Variants in TMCC1 observed in about 807,000 individuals in gnomAD.
TMCC1 encodes the protein transmembrane and coiled-coil domain family 1.
TMCC1 carries 15 observed loss-of-function variants against 52.4 expected under a neutral mutation model. That is an observed-to-expected ratio of 0.29 (90% CI 0.19 to 0.44). The LOEUF (loss-of-function observed/expected upper bound fraction) is 0.44, where lower values mean the gene tolerates loss of function less well. TMCC1 is among the 20% of genes least tolerant of loss of function. The pLI is 1.00. For synonymous variants in TMCC1, 279 were observed against 301.9 expected (o/e 0.92, Z 0.79); for missense variants, 503 against 806.0 (o/e 0.62, Z 4.55).
intron 4 of TMCC1, among the ~76,000 whole-genome samples, chr3:129,696,903 G>A (rs1342544569): frequency 6.6e-6 from 1 of 152,210 alleles, no homozygotes; most frequent in African/African-American, 2.4e-5. Context: ...AGCTCCCATG[G>A]CCTTGGGCAG....
chr3:129,845,169 C>G (rs955887532), intron 2 of TMCC1, among the ~76,000 whole-genome samples: 3 of 135,030 alleles, frequency 2.2e-5, no homozygotes, highest in African/African-American at 8.4e-5. Context: ...GCCTCGGCAA[C>G]AGAGCAAGTC....
intron 4 of TMCC1, among the ~76,000 whole-genome samples, chr3:129,757,935 T>C (rs2053165219): frequency 6.6e-6 from 1 of 152,058 alleles, no homozygotes; most frequent in African/African-American, 2.4e-5. Flanking sequence ...GAGTAAACTT[T>C]GATGTATGTG....
chr3:129,889,369 C>T (rs2061860449), intron 1 of TMCC1, among the ~76,000 whole-genome samples: 1 of 152,086 alleles, frequency 6.6e-6, no homozygotes, highest in Admixed American at 6.6e-5. Flanking sequence ...CCAAGAGGAG[C>T]TAAGGAGACA....
At chr3:129,811,188 T>C (rs1353499211) in intron 4 of TMCC1, among the ~76,000 whole-genome samples, 1 of 152,248 alleles carries the variant, frequency 6.6e-6, no homozygotes, top group Non-Finnish European at 1.5e-5. Context: ...TACTCCATTG[T>C]TAAGCTTACA....
chr3:129,797,417 CAA>C (rs201049533), intron 4 of TMCC1, among the ~76,000 whole-genome samples: 1 of 150,512 alleles, frequency 6.6e-6, no homozygotes, highest in East Asian at 2.0e-4. Flanking sequence ...GCCAAGTCTC[CAA>C]AAAAAAATTA....
intron 4 of TMCC1, among the ~76,000 whole-genome samples, chr3:129,673,324 G>A (rs1363562916): frequency 1.3e-5 from 2 of 152,100 alleles, no homozygotes; most frequent in Admixed American, 6.5e-5. Context: ...ATGTCTTCTA[G>A]GTTGCACAGG....
chr3:129,826,785 A>T (rs376577543), intron 4 of TMCC1, among the ~76,000 whole-genome samples: 69 of 151,400 alleles, frequency 4.6e-4, no homozygotes, highest in Middle Eastern at 3.4e-3. Flanking sequence ...AATATCCAAT[A>T]AAAAAAAACC....
chr3:129,843,975 C>T (rs1389707013), intron 2 of TMCC1, among the ~76,000 whole-genome samples: 2 of 149,672 alleles, frequency 1.3e-5, no homozygotes, highest in Non-Finnish European at 3.0e-5. Context: ...ATGCAAAAAC[C>T]TTTAACAAAA....
At chr3:129,676,204 T>TACTCTCCG (rs768565272) in intron 4 of TMCC1, among the ~76,000 whole-genome samples, 7 of 152,180 alleles carry the variant, frequency 4.6e-5, no homozygotes, top group Non-Finnish European at 8.8e-5. Context: ...GGGGCTTTTG[T>TACTCTCCG]ACTCTCCTGT....
intron 4 of TMCC1, among the ~76,000 whole-genome samples, chr3:129,748,841 A>G (rs1352941275): frequency 3.3e-5 from 5 of 151,978 alleles, no homozygotes; most frequent in Non-Finnish European, 7.4e-5. Flanking sequence ...TGTCTCTACT[A>G]AAACTACAAA....
rs368761595 is a variant in TMCC1, at chr3:129,748,781, T to A, written c.577-77517A>T. ...ACTTTGGGAGGCTGAGGCGGACAGA[T>A]CTCTTAAGCCCGGGAGTTGAAGACC... On this transcript the variant is annotated intron_variant, in intron 4 of 6. Transcript: ENST00000393238. 4.6e-5 allele frequency among the ~76,000 whole-genome samples: 7 copies of A among 151,976 alleles called. No homozygotes were observed. The East Asian group carries it at 1.4e-3, about 30-fold the overall frequency.
intron 4 of TMCC1, among the ~76,000 whole-genome samples, chr3:129,800,925 A>AT (rs11394617): frequency 0.73 from 86,221 of 117,552 alleles, 33,026 homozygotes; most frequent in East Asian, 0.97. Flanking sequence ...ATCTCACACT[A>AT]TTTTTTTTTT....
intron 4 of TMCC1, among the ~76,000 whole-genome samples, chr3:129,721,791 G>T (rs138703191): frequency 6.6e-6 from 1 of 151,704 alleles, no homozygotes; most frequent in South Asian, 2.1e-4. Flanking sequence ...CAGGAGAATC[G>T]CGTGAACCCA....
At chr3:129,693,807 T>G (rs891531017) in intron 4 of TMCC1, among the ~76,000 whole-genome samples, 13 of 152,222 alleles carry the variant, frequency 8.5e-5, no homozygotes, top group Admixed American at 8.5e-4. Flanking sequence ...TACTGAGCAT[T>G]CAGAAACATA....
intron 2 of TMCC1, among the ~76,000 whole-genome samples, chr3:129,863,433 T>C (rs527942683): frequency 1.3e-5 from 2 of 152,310 alleles, no homozygotes; most frequent in Non-Finnish European, 2.9e-5. Context: ...CTCCCAACTC[T>C]GTTCTATAAT....
intron 4 of TMCC1, among the ~76,000 whole-genome samples, chr3:129,771,856 G>A (rs982805947): frequency 6.6e-6 from 1 of 150,762 alleles, no homozygotes; most frequent in Non-Finnish European, 1.5e-5. Flanking sequence ...TTGGAATTTG[G>A]GAAAGCTGAA....
At chr3:129,653,690 G>A (rs372661118) in intron 6 of TMCC1, among the ~76,000 whole-genome samples, 13 of 151,874 alleles carry the variant, frequency 8.6e-5, no homozygotes, top group Non-Finnish European at 1.3e-4. Context: ...CGCCCGCCTC[G>A]GCCTCCCAAA....
At chr3:129,753,949 A>T (rs1008305699) in intron 4 of TMCC1, among the ~76,000 whole-genome samples, 13 of 121,106 alleles carry the variant, frequency 1.1e-4, no homozygotes, top group Non-Finnish European at 1.4e-4. Context: ...AGAATCTACA[A>T]AAAAAAAAAA....
chr3:129,673,669 G>A (rs2088152472), intron 4 of TMCC1, among the ~76,000 whole-genome samples: 1 of 152,156 alleles, frequency 6.6e-6, no homozygotes, highest in South Asian at 2.1e-4. Context: ...TGGGCAACAT[G>A]GGGAAACCCC....
Sources: gnomAD v4.1 joint callset for allele counts (sites outside exome capture counted in the v4.1 genomes callset) on GRCh38, gnomAD v4.1.1 for gene constraint, MANE v1.5 for transcripts, NCBI Gene and HGNC (gene_info 2026-07-23, HGNC 2026-07-21) for gene names.